SOX5: variants seen among roughly 807,000 people sequenced by gnomAD.
The protein encoded by SOX5 is SRY-box transcription factor 5.
Under a neutral mutation model 92.0 loss-of-function variants are expected in SOX5, and 9 were observed. The observed-to-expected ratio is 0.10, with a 90% CI of 0.06 to 0.17. SOX5 has a LOEUF of 0.17. Ranked by LOEUF, SOX5 falls within the 10% of genes least tolerant of loss-of-function variation. The pLI, the probability that SOX5 is intolerant of heterozygous loss-of-function variation, is 1.00. For missense variants in SOX5, 642 were observed against 944.5 expected (o/e 0.68, Z 4.20); for synonymous variants, 344 against 336.3 (o/e 1.02, Z -0.25).
chr12:24,166,987 T>C (rs1953489641), intron 4 of SOX5, among the ~76,000 whole-genome samples: 1 of 152,190 alleles, frequency 6.6e-6, no homozygotes, highest in African/African-American at 2.4e-5. Context: ...AGTGAGTGAA[T>C]ACAAAAGAGG....
At chr12:23,799,739 A>G (rs915663701) in intron 3 of SOX5, among the ~76,000 whole-genome samples, 1 of 152,066 alleles carries the variant, frequency 6.6e-6, no homozygotes, top group African/African-American at 2.4e-5. Flanking sequence ...ATTAATACTA[A>G]CAAAATTTAT....
rs534434495 is a variant in SOX5, at chr12:24,115,266, A to G, written c.-2+98077T>C. ...AGAACAAAAAAGAAACAAAATACCG[A>G]TTAGAGAAACAACTAGTCTTGATGT... On this transcript the variant is annotated intron_variant, in intron 4 of 4. Transcript: ENST00000446891. Among the ~76,000 whole-genome samples the G allele has an allele frequency of 1.3e-4, 20 of 152,340 alleles. No individual in the cohort carries two copies. The East Asian group carries it at 3.7e-3, about 28-fold the overall frequency.
intron 1 of SOX5, among the ~76,000 whole-genome samples, chr12:24,524,844 C>T (rs180749810): frequency 2.0e-5 from 3 of 152,118 alleles, no homozygotes; most frequent in African/African-American, 7.2e-5. Flanking sequence ...TAGTGAAATC[C>T]CATCTCTAAA....
At chr12:24,424,798 G>A (rs930747072) in intron 1 of SOX5, among the ~76,000 whole-genome samples, 1 of 96,248 alleles carries the variant, frequency 1.0e-5, no homozygotes, top group Non-Finnish European at 2.0e-5. Flanking sequence ...TTCTTTGTGA[G>A]TTTTTTTTTT....
At chr12:23,686,684 T>C (rs2087651705) in intron 6 of SOX5, among the ~76,000 whole-genome samples, 1 of 152,152 alleles carries the variant, frequency 6.6e-6, no homozygotes, top group Admixed American at 6.6e-5. Context: ...ACCTGTTCAG[T>C]TGTTTATGAA....
chr12:24,507,432 A>G (rs567649362), intron 1 of SOX5, among the ~76,000 whole-genome samples: 1 of 152,050 alleles, frequency 6.6e-6, no homozygotes, highest in East Asian at 1.9e-4. Flanking sequence ...ACAAATACAG[A>G]TTATGGAACA....
intron 1 of SOX5, among the ~76,000 whole-genome samples, chr12:24,548,298 G>A (rs956937368): frequency 2.6e-4 from 40 of 152,308 alleles, no homozygotes; most frequent in African/African-American, 9.1e-4. Context: ...GATGCTGAAA[G>A]CCATAAAGAT....
At chr12:24,304,255 T>C (rs1816222721) in intron 2 of SOX5, among the ~76,000 whole-genome samples, 1 of 152,152 alleles carries the variant, frequency 6.6e-6, no homozygotes, top group African/African-American at 2.4e-5. Context: ...AATATACAAT[T>C]CTTCTAAGAA....
At chr12:23,559,848 T>C (rs368666254) in intron 11 of SOX5, among the ~76,000 whole-genome samples, 2 of 152,180 alleles carry the variant, frequency 1.3e-5, no homozygotes, top group African/African-American at 4.8e-5. Context: ...CCTCTTTCTT[T>C]CTGCTTTATC....
At chr12:24,075,278 A>T (rs1016678845) in intron 4 of SOX5, among the ~76,000 whole-genome samples, 2 of 6,616 alleles carry the variant, frequency 3.0e-4, no homozygotes, top group South Asian at 0.05. Flanking sequence ...TCAAATTATT[A>T]AAAAAAAAAA....
At chr12:23,723,434 G>T (rs1411163877) in intron 6 of SOX5, among the ~76,000 whole-genome samples, 1 of 151,940 alleles carries the variant, frequency 6.6e-6, no homozygotes, top group African/African-American at 2.4e-5. Context: ...AAGAAATCAC[G>T]AGTGGCTATG....
intron 3 of SOX5, among the ~76,000 whole-genome samples, chr12:23,764,960 A>G (rs908549085): frequency 3.9e-5 from 6 of 152,076 alleles, no homozygotes; most frequent in Non-Finnish European, 5.9e-5. Context: ...GAACAATAAA[A>G]GCTGACATGA....
chr12:24,455,078 A>G (rs1183368512), intron 1 of SOX5, among the ~76,000 whole-genome samples: 4 of 152,240 alleles, frequency 2.6e-5, no homozygotes. Flanking sequence ...GCTTCCTTAG[A>G]TAGTGGATCA....
chr12:23,635,832 T>C (rs1028325913), intron 8 of SOX5, among the ~76,000 whole-genome samples: 3 of 152,040 alleles, frequency 2.0e-5, no homozygotes, highest in Non-Finnish European at 2.9e-5. Context: ...GTGACAATTA[T>C]GATGGAAGGA....
rs374668065 is a variant in SOX5, at chr12:23,998,407, A to G, written c.-1-102383T>C. ...TATCTTAAGAAGGTTAGAAGAAAAA[A>G]GAATGATAAGTTGAGAACAAAGCCT... is the stretch of plus-strand genomic sequence containing the variant. On this transcript the variant is annotated intron_variant, in intron 4 of 4. Transcript: ENST00000446891. Among the ~76,000 whole-genome samples the G allele has an allele frequency of 1.2e-4, 19 of 152,266 alleles. No individual in the cohort carries two copies. The East Asian group carries it at 3.3e-3, about 26-fold the overall frequency.
chr12:24,229,728 G>A lies in SOX5; in HGVS notation c.-76-16311C>T, dbSNP rs576418147. ...CTGACATGTCCCTGCCAGCTATTACGCCTTGTGTGCCCTGAAAAAGTTGCT... is the reference window on the plus strand; with the variant it reads ...CTGACATGTCCCTGCCAGCTATTACACCTTGTGTGCCCTGAAAAAGTTGCT... On this transcript the variant is annotated intron_variant, in intron 3 of 4. Transcript: ENST00000446891. Among the ~76,000 whole-genome samples, 11 of 152,262 alleles carry A rather than the reference G, an allele frequency of 7.2e-5. No individual in the cohort carries two copies. The South Asian group carries it at 1.5e-3, about 20-fold the overall frequency.
intron 7 of SOX5, among the ~76,000 whole-genome samples, chr12:23,643,811 T>C (rs1223737811): frequency 6.6e-6 from 1 of 152,162 alleles, no homozygotes; most frequent in Non-Finnish European, 1.5e-5. Context: ...AGAAAGAGTG[T>C]GATCAACAAA....
intron 8 of SOX5, among the ~76,000 whole-genome samples, chr12:23,631,522 C>T (rs1215169872): frequency 6.6e-6 from 1 of 152,000 alleles, no homozygotes; most frequent in Non-Finnish European, 1.5e-5. Flanking sequence ...TACTGCTGGT[C>T]TTGGGACAGC....
chr12:24,355,479 T>C (rs191802082), intron 2 of SOX5, among the ~76,000 whole-genome samples: 92 of 151,972 alleles, frequency 6.1e-4, no homozygotes, highest in African/African-American at 2.0e-3. Context: ...TCCCTGGAGA[T>C]ACACATCCTA....
Sources: allele counts gnomAD v4.1 joint callset (sites outside exome capture counted in the v4.1 genomes callset), GRCh38; gene constraint gnomAD v4.1.1; transcripts MANE v1.5; gene names NCBI Gene and HGNC (gene_info 2026-07-23, HGNC 2026-07-21).